FRMD4A: variants seen among roughly 807,000 people sequenced by gnomAD.
FRMD4A encodes the protein FERM domain containing 4A, also known as FERM domain-containing protein 4A.
In FRMD4A, 29 loss-of-function variants were observed where a neutral mutation model predicts 129.1. The observed-to-expected ratio is 0.22, with a 90% CI of 0.17 to 0.31. FRMD4A has a LOEUF of 0.31. Among genes scored for constraint, FRMD4A ranks in the 10% least tolerant of loss-of-function variants. The pLI is 1.00. For synonymous variants in FRMD4A, 634 were observed against 571.6 expected (o/e 1.11, Z -1.56); for missense variants, 1,272 against 1,375.8 (o/e 0.92, Z 1.19).
intron 2 of FRMD4A, among the ~76,000 whole-genome samples, chr10:13,939,377 G>A (rs554519004): frequency 2.0e-5 from 3 of 152,112 alleles, no homozygotes; most frequent in Non-Finnish European, 4.4e-5. Flanking sequence ...TGCATTATTT[G>A]GGAATTCTAA....
rs572403817 is a variant in FRMD4A at position 13,657,618 on chromosome 10, T to C, written c.2067-96A>G. ...GGGGTCCTGAGGAGGGCACTGGGTG[T>C]CTGCACGCGGGCGCAGGCCCCAGCC... On this transcript the variant is annotated intron_variant, in intron 21 of 24. Coordinates refer to ENST00000357447, the MANE Select transcript of FRMD4A (RefSeq NM_018027.5). The C allele has an allele frequency of 3.3e-5, 47 of 1,428,050 alleles. No individual in the cohort carries two copies. The African/African-American group carries it at 6.0e-4, about 18-fold the overall frequency. The allele number at this position is 1,428,050 out of a possible 1,614,324, so 88.5% of individuals were successfully genotyped here.
chr10:14,115,931 C>A (rs1190085660), intron 2 of FRMD4A, among the ~76,000 whole-genome samples: 2 of 152,216 alleles, frequency 1.3e-5, no homozygotes, highest in Non-Finnish European at 2.9e-5. Flanking sequence ...TCCTTGGAAG[C>A]CCACACCCTT....
chr10:13,744,957 T>C (rs2091216608), intron 9 of FRMD4A, among the ~76,000 whole-genome samples: 1 of 152,158 alleles, frequency 6.6e-6, no homozygotes, highest in Non-Finnish European at 1.5e-5. Flanking sequence ...TATAGGGATA[T>C]GAAAATAGTT....
At chr10:13,884,964 C>T (rs745657003) in intron 2 of FRMD4A, among the ~76,000 whole-genome samples, 10 of 152,252 alleles carry the variant, frequency 6.6e-5, no homozygotes, top group Non-Finnish European at 1.0e-4. Flanking sequence ...TCCACTTCTA[C>T]AGCCAGCTGG....
chr10:14,009,627 G>A (rs1251512915), intron 2 of FRMD4A, among the ~76,000 whole-genome samples: 1 of 152,252 alleles, frequency 6.6e-6, no homozygotes, highest in Non-Finnish European at 1.5e-5. Context: ...GGCGAAGGGT[G>A]CCACGGCGGC....
In FRMD4A at chr10:13,774,922, T is replaced by A. The variant is rs184266597; in HGVS notation, c.384+8000A>T. Among the ~76,000 whole-genome samples, 22 of 143,788 alleles carry A rather than the reference T, an allele frequency of 1.5e-4. No homozygotes were observed. In the East Asian group the frequency reaches 4.5e-3, roughly 29 times the overall value. 94.3% of individuals were successfully genotyped at this position (143,788 alleles called of 152,430 possible). Reference sequence around the variant, plus strand: ...AATAGCATAATATTAAAAAATCAGATAATATAAAGAAACTCTTAGAAATTT... The same window carrying A: ...AATAGCATAATATTAAAAAATCAGAAAATATAAAGAAACTCTTAGAAATTT... On this transcript the variant is annotated intron_variant, in intron 6 of 24. Transcript: ENST00000357447.
chr10:14,127,968 T>TTCTCTCTCTC (rs1440627660), intron 2 of FRMD4A, among the ~76,000 whole-genome samples: 1 of 33,612 alleles, frequency 3.0e-5, no homozygotes, highest in African/African-American at 1.3e-4. Context: ...CTTTCTTTCT[T>TTCTCTCTCTC]TCTTTCTTTC....
chr10:14,286,318 T>C (rs1364971539), intron 2 of FRMD4A, among the ~76,000 whole-genome samples: 1 of 152,178 alleles, frequency 6.6e-6, no homozygotes, highest in African/African-American at 2.4e-5. Flanking sequence ...TTAGACTGTC[T>C]CTTGAATGGA....
chr10:14,272,893 G>A (rs1165368686), intron 2 of FRMD4A, among the ~76,000 whole-genome samples: 1 of 152,062 alleles, frequency 6.6e-6, no homozygotes, highest in Non-Finnish European at 1.5e-5. Flanking sequence ...TAGACGTCTT[G>A]GTCTTTGAAA....
At chr10:13,866,606 A>G (rs938890091) in intron 2 of FRMD4A, among the ~76,000 whole-genome samples, 2 of 152,338 alleles carry the variant, frequency 1.3e-5, no homozygotes, top group East Asian at 1.9e-4. Context: ...AATGTCACGC[A>G]GTTACAGCAA....
chr10:14,005,822 A>T (rs954357129), intron 2 of FRMD4A, among the ~76,000 whole-genome samples: 1 of 152,206 alleles, frequency 6.6e-6, no homozygotes, highest in Non-Finnish European at 1.5e-5. Context: ...CCCTGTTTAT[A>T]CAGGACAAGG....
At chr10:14,054,316 G>T (rs556509783) in intron 2 of FRMD4A, among the ~76,000 whole-genome samples, 1 of 152,238 alleles carries the variant, frequency 6.6e-6, no homozygotes, top group Admixed American at 6.5e-5. Flanking sequence ...ACCCTGGAGA[G>T]GTCACCTCCC....
intron 2 of FRMD4A, among the ~76,000 whole-genome samples, chr10:13,989,488 C>T (rs1312022925): frequency 1.3e-5 from 2 of 152,106 alleles, no homozygotes; most frequent in African/African-American, 4.8e-5. Context: ...CCCACCACGC[C>T]CAACTAATTT....
At chr10:13,675,612 G>A (rs1001410388) in intron 15 of FRMD4A, 11 of 152,404 alleles carry the variant, frequency 7.2e-5, no homozygotes, top group African/African-American at 2.7e-4. Context: ...TGTTGGCCAG[G>A]CTGGTCTCGA....
chr10:13,940,499 A>G (rs1327879003), intron 2 of FRMD4A, among the ~76,000 whole-genome samples: 1 of 152,180 alleles, frequency 6.6e-6, no homozygotes, highest in East Asian at 1.9e-4. Context: ...TTCTTGTCCT[A>G]TTAAAAATAT....
chr10:13,977,153 A>T (rs1281941823), intron 2 of FRMD4A, among the ~76,000 whole-genome samples: 1 of 152,234 alleles, frequency 6.6e-6, no homozygotes, highest in Non-Finnish European at 1.5e-5. Flanking sequence ...TGCACTCAGA[A>T]ATGCCCATCG....
chr10:14,263,252 G>C (rs963131214), intron 2 of FRMD4A, among the ~76,000 whole-genome samples: 16 of 152,176 alleles, frequency 1.1e-4, no homozygotes, highest in Non-Finnish European at 1.6e-4. Context: ...GCCCCGTCTG[G>C]GTGAAGCTCC....
chr10:14,058,647 T>C (rs1834658633), intron 2 of FRMD4A, among the ~76,000 whole-genome samples: 1 of 152,186 alleles, frequency 6.6e-6, no homozygotes, highest in African/African-American at 2.4e-5. Flanking sequence ...GTCCTTTCTC[T>C]GCTTCTTACA....
At chr10:13,981,999 CT>C (rs2095563216) in intron 2 of FRMD4A, among the ~76,000 whole-genome samples, 1 of 152,154 alleles carries the variant, frequency 6.6e-6, no homozygotes, top group Non-Finnish European at 1.5e-5. Context: ...TCTCTCTGAC[CT>C]TTTCCCATCT....
Sources: gnomAD v4.1 joint callset for allele counts (sites outside exome capture counted in the v4.1 genomes callset) on GRCh38, gnomAD v4.1.1 for gene constraint, MANE v1.5 for transcripts, NCBI Gene and HGNC (gene_info 2026-07-23, HGNC 2026-07-21) for gene names.